TACC1: variants seen among roughly 807,000 people sequenced by gnomAD.
The protein encoded by TACC1 is transforming acidic coiled-coil-containing protein 1.
Under a neutral mutation model 84.4 loss-of-function variants are expected in TACC1, and 48 were observed. The ratio of observed to expected loss-of-function variants is 0.57; its 90% confidence interval spans 0.45 to 0.72. TACC1 has a LOEUF of 0.72. Among genes scored for constraint, TACC1 ranks in the 30% least tolerant of loss-of-function variants. TACC1 has a pLI of 0.00. For synonymous variants in TACC1, 372 were observed against 376.3 expected (o/e 0.99, Z 0.13); for missense variants, 920 against 973.0 (o/e 0.95, Z 0.72).
chr8:38,842,179 T>C, intron 9 of TACC1, 108 bp from the exon 10 acceptor site: 1 of 1,303,110 alleles, frequency 7.7e-7, no homozygotes, highest in South Asian at 1.4e-5. Context: ...AGAGCGGGAA[T>C]TTGGTCACAT....
At chr8:38,757,728 G>C (rs1810389981) in intron 3 of TACC1, among the ~76,000 whole-genome samples, 1 of 152,110 alleles carries the variant, frequency 6.6e-6, no homozygotes. Context: ...GTGTCCTAAA[G>C]AGCTCTGAAA....
At chr8:38,744,537 G>A (rs1480122976) in intron 2 of TACC1, among the ~76,000 whole-genome samples, 1 of 152,138 alleles carries the variant, frequency 6.6e-6, no homozygotes, top group Non-Finnish European at 1.5e-5. Context: ...TCAGGGTTGG[G>A]TTTTGTTTAT....
intron 3 of TACC1, among the ~76,000 whole-genome samples, chr8:38,753,993 G>A (rs891119803): frequency 2.4e-4 from 32 of 135,084 alleles, no homozygotes; most frequent in African/African-American, 2.5e-4. Context: ...TTGCTCTGTC[G>A]CCCAGGCTGG....
At chr8:38,754,393 C>T (rs571018632) in intron 3 of TACC1, among the ~76,000 whole-genome samples, 14 of 152,300 alleles carry the variant, frequency 9.2e-5, no homozygotes, top group African/African-American at 1.7e-4. Context: ...CTGCCTCTCC[C>T]GCTCCTGTCT....
At chr8:38,816,970 G>A (rs569153665) in intron 2 of TACC1, among the ~76,000 whole-genome samples, 2 of 152,248 alleles carry the variant, frequency 1.3e-5, no homozygotes, top group African/African-American at 4.8e-5. Flanking sequence ...TCCCGCAGCT[G>A]TCAAGGGACC....
rs141798350 is a variant in TACC1 at position 38,819,828 on chromosome 8, C to T, written c.584C>T (p.Ala195Val). The T allele has an allele frequency of 3.5e-5, 57 of 1,613,908 alleles. No individual in the cohort carries two copies. The highest frequency in any genetic ancestry group is 2.0e-4 in the East Asian group (9 of 44,872). The change falls in exon 3 of 13, where the codon GCG becomes GTG. Residue 195 changes from alanine (A) to valine (V), a missense_variant. This residue lies in a region of TACC1 where 762 missense variants were observed against 747.3 expected (regional missense o/e 1.02). Coordinates refer to ENST00000317827, the MANE Select transcript of TACC1 (RefSeq NM_006283.3). ...SSPPDALQDE[A>V]MTEGSMGVTL... ...CCGCCAGACGCCCTCCAGGACGAGG[C>T]GATGACAGAAGGCAGCATGGGGGTC...
chr8:38,755,883 C>T (rs1443269733), intron 3 of TACC1, among the ~76,000 whole-genome samples: 1 of 151,696 alleles, frequency 6.6e-6, no homozygotes, highest in Non-Finnish European at 1.5e-5. Flanking sequence ...GGCGCGATCT[C>T]GGCTCACTGC....
chr8:38,764,919 C>T (rs929943263), intron 3 of TACC1, among the ~76,000 whole-genome samples: 9 of 152,182 alleles, frequency 5.9e-5, no homozygotes, highest in South Asian at 4.1e-4. Flanking sequence ...GCCGACGTTG[C>T]GAAACCCTGT....
At chr8:38,844,286 C>T (rs1029435708) in intron 11 of TACC1, among the ~76,000 whole-genome samples, 7 of 152,190 alleles carry the variant, frequency 4.6e-5, no homozygotes, top group South Asian at 4.1e-4. Context: ...GATTCTCCTG[C>T]CTCAGCCTCC....
At chr8:38,743,302 GAA>G (rs1311747663) in intron 2 of TACC1, among the ~76,000 whole-genome samples, 12 of 151,838 alleles carry the variant, frequency 7.9e-5, no homozygotes, top group Admixed American at 2.0e-4. Flanking sequence ...TTGAATGAAT[GAA>G]TGAATGAATG....
At chr8:38,811,930 G>A (rs773765667) in intron 2 of TACC1, among the ~76,000 whole-genome samples, 12 of 152,110 alleles carry the variant, frequency 7.9e-5, no homozygotes, top group Non-Finnish European at 1.5e-4. Context: ...TCCCAGCAAG[G>A]AATATTAATA....
intron 10 of TACC1, 29 bp downstream of exon 10, chr8:38,842,476 G>C: frequency 6.3e-7 from 1 of 1,585,312 alleles, no homozygotes; most frequent in East Asian, 2.2e-5. Flanking sequence ...CTGTCTCCTG[G>C]TGTATTTCCA....
intron 2 of TACC1, among the ~76,000 whole-genome samples, chr8:38,806,063 C>T (rs932674182): frequency 1.3e-5 from 2 of 152,136 alleles, no homozygotes; most frequent in Non-Finnish European, 1.5e-5. Flanking sequence ...TTGTGTGAAG[C>T]TGTGAGGTCA....
Position 38,851,082 on chromosome 8 carries a change from G to GGAAATACC in TACC1, c.*3061_*3068dup, listed in dbSNP as rs1334004646. Reference sequence around the variant, plus strand: ...ACCTTTTGTTCTGTAAAACTGCTCTGGAAATACCGGGAAGCCCAGTTTTCT... The same window carrying GGAAATACC: ...ACCTTTTGTTCTGTAAAACTGCTCTGGAAATACCGAAATACCGGGAAGCCCAGTTTTCT... On this transcript the variant is annotated 3_prime_UTR_variant, in exon 13 of 13. Coordinates refer to ENST00000317827, the MANE Select transcript of TACC1 (RefSeq NM_006283.3). 2.0e-5 allele frequency: 3 copies of GGAAATACC among 152,214 alleles called. No individual in the cohort carries two copies. Among genetic ancestry groups the GGAAATACC allele is most frequent in the Non-Finnish European group, 4.4e-5 (3 of 68,030 alleles). The allele number at this position is 152,214 out of a possible 1,614,324, so 9.4% of individuals were successfully genotyped here. A position where few individuals can be genotyped will look rare whatever the true frequency, so the allele number is the denominator to read the frequency against.
At chr8:38,795,501 CAT>C (rs985273091) in intron 2 of TACC1, among the ~76,000 whole-genome samples, 2 of 152,204 alleles carry the variant, frequency 1.3e-5, no homozygotes, top group Non-Finnish European at 2.9e-5. Flanking sequence ...ATATTGCTGC[CAT>C]GTAATGTCCC....
rs62504154 is a variant in TACC1 at position 38,743,353 on chromosome 8, A to G, written c.-574+902A>G. 4.3e-3 allele frequency among the ~76,000 whole-genome samples: 649 copies of G among 152,306 alleles called. 8 individuals are homozygous for G. The highest frequency in any genetic ancestry group is 0.027 in the Middle Eastern group (8 of 294). On this transcript the variant is annotated intron_variant, in intron 2 of 14. Coordinates refer to the TACC1 transcript ENST00000518415. ...CTCAGGCAGCCTTGAGGAGGAAGAG[A>G]AAGGAAACATTCTGCCAGAAGAAAT...
At chr8:38,771,584 G>A (rs537888240) in intron 3 of TACC1, among the ~76,000 whole-genome samples, 1 of 152,328 alleles carries the variant, frequency 6.6e-6, no homozygotes, top group African/African-American at 2.4e-5. Context: ...TGTACAACAT[G>A]ACTGAGAAAG....
intron 3 of TACC1, among the ~76,000 whole-genome samples, chr8:38,773,573 GCTAGCTATCTATCTAGCTATCTATCTAT>G (rs1258773077): frequency 0.016 from 1,881 of 116,448 alleles, 44 homozygotes; most frequent in African/African-American, 0.05. Context: ...TATCTATCTA[GCTAGCTATCTATCTAGCTATCTATCTAT>G]CTAGCTATCT....
chr8:38,733,111 C>T (rs867374638), intron 1 of TACC1, among the ~76,000 whole-genome samples: 5 of 152,158 alleles, frequency 3.3e-5, no homozygotes, highest in Middle Eastern at 3.2e-3. Context: ...TTGCCTTCTT[C>T]ACCTTTCTCT....
Sources: allele counts gnomAD v4.1 joint callset (sites outside exome capture counted in the v4.1 genomes callset), GRCh38; gene constraint gnomAD v4.1.1; regional missense constraint gnomAD v4.1.1; transcripts MANE v1.5; gene names NCBI Gene and HGNC (gene_info 2026-07-23, HGNC 2026-07-21).